Variants in ENTREP2 observed in about 807,000 individuals in gnomAD.
The protein encoded by ENTREP2 is protein ENTREP2.
chr15:29,535,299 G>A, the ENTREP2 span, among the ~76,000 whole-genome samples: 3 of 152,104 alleles, frequency 2.0e-5, no homozygotes, highest in Non-Finnish European at 4.4e-5. Context: ...TTGAACCTGA[G>A]AGTGTCCCTT....
At chr15:29,294,012 C>T in the ENTREP2 span, among the ~76,000 whole-genome samples, 1 of 152,152 alleles carries the variant, frequency 6.6e-6, no homozygotes, top group Non-Finnish European at 1.5e-5. Context: ...TAACCTCCAC[C>T]CCCCATGTCA....
chr15:29,546,615 G>A, the ENTREP2 span, among the ~76,000 whole-genome samples: 32 of 152,176 alleles, frequency 2.1e-4, no homozygotes, highest in African/African-American at 7.7e-4. Context: ...GGCCAGGCAC[G>A]GTGGCTCATG....
At chr15:29,275,263 T>C in the ENTREP2 span, among the ~76,000 whole-genome samples, 5 of 152,206 alleles carry the variant, frequency 3.3e-5, no homozygotes, top group Non-Finnish European at 7.3e-5. Flanking sequence ...GAAATATATA[T>C]ATCAAGGTAC....
the ENTREP2 span, among the ~76,000 whole-genome samples, chr15:29,488,021 C>A: frequency 6.6e-6 from 1 of 152,070 alleles, no homozygotes; most frequent in Non-Finnish European, 1.5e-5. Flanking sequence ...AACTTATGAA[C>A]CATGTAAAGA....
At chr15:29,534,085 C>A in the ENTREP2 span, among the ~76,000 whole-genome samples, 895 of 115,900 alleles carry the variant, frequency 7.7e-3, 7 homozygotes, top group African/African-American at 0.028. Flanking sequence ...CAGTGGGTCA[C>A]ATCTGCAAGT....
At chr15:29,344,485 T>C in the ENTREP2 span, among the ~76,000 whole-genome samples, 1 of 152,082 alleles carries the variant, frequency 6.6e-6, no homozygotes, top group Non-Finnish European at 1.5e-5. Flanking sequence ...GAAGGGGCTT[T>C]ATAGAAGGGT....
the ENTREP2 span, chr15:29,381,897 T>C: frequency 2.8e-6 from 4 of 1,440,406 alleles, no homozygotes; most frequent in South Asian, 2.4e-5. Flanking sequence ...ATCAAAACAC[T>C]GTGAACCGTT....
At chr15:29,617,987 G>A in the ENTREP2 span, among the ~76,000 whole-genome samples, 1 of 152,128 alleles carries the variant, frequency 6.6e-6, no homozygotes, top group East Asian at 1.9e-4. Context: ...GTTAGTTCCT[G>A]ACCAAGGTTG....
the ENTREP2 span, among the ~76,000 whole-genome samples, chr15:29,393,446 T>A: frequency 6.6e-6 from 1 of 152,186 alleles, no homozygotes; most frequent in Non-Finnish European, 1.5e-5. Context: ...TCAGGGCAAG[T>A]CCCTTCTCCA....
the ENTREP2 span, among the ~76,000 whole-genome samples, chr15:29,224,183 GGTGA>G: frequency 1.3e-5 from 2 of 152,026 alleles, no homozygotes; most frequent in African/African-American, 4.8e-5. Flanking sequence ...AGACCTTCGT[GGTGA>G]GTGTTACAGC....
the ENTREP2 span, among the ~76,000 whole-genome samples, chr15:29,516,363 T>C: frequency 1.3e-5 from 2 of 152,112 alleles, no homozygotes; most frequent in African/African-American, 2.4e-5. Flanking sequence ...CCACAGCAAT[T>C]AAAATAAATG....
chr15:29,277,768 C>T, the ENTREP2 span, among the ~76,000 whole-genome samples: 1 of 152,168 alleles, frequency 6.6e-6, no homozygotes, highest in Admixed American at 6.5e-5. Context: ...TAACCCAGAG[C>T]ACTTCCCCAC....
At chr15:29,660,526 A>C in the ENTREP2 span, among the ~76,000 whole-genome samples, 2 of 152,162 alleles carry the variant, frequency 1.3e-5, no homozygotes, top group African/African-American at 4.8e-5. Context: ...AGCAGCACAA[A>C]ATTGACTAAG....
chr15:29,278,061 G>A, the ENTREP2 span, among the ~76,000 whole-genome samples: 2 of 152,180 alleles, frequency 1.3e-5, no homozygotes, highest in Non-Finnish European at 2.9e-5. Context: ...AGAGAAACAG[G>A]TGACTGTAGG....
chr15:29,415,818 C>T, the ENTREP2 span, among the ~76,000 whole-genome samples: 1 of 152,154 alleles, frequency 6.6e-6, no homozygotes, highest in Non-Finnish European at 1.5e-5. Context: ...GATACAAAAT[C>T]AATGTGCAAA....
the ENTREP2 span, among the ~76,000 whole-genome samples, chr15:29,363,091 C>A: frequency 1.2e-4 from 18 of 152,198 alleles, no homozygotes; most frequent in African/African-American, 3.6e-4. Context: ...TGTTTTCACC[C>A]TACTTCCTTC....
the ENTREP2 span, among the ~76,000 whole-genome samples, chr15:29,207,303 T>C: frequency 8.6e-3 from 1,302 of 152,218 alleles, 18 homozygotes; most frequent in African/African-American, 0.03. Flanking sequence ...CTCACCGACT[T>C]CAAGAATGAG....
At chr15:29,208,604 T>C in the ENTREP2 span, among the ~76,000 whole-genome samples, 2 of 152,134 alleles carry the variant, frequency 1.3e-5, no homozygotes, top group Admixed American at 6.5e-5. Context: ...GGAGTGAAAA[T>C]TAATACGAAC....
the ENTREP2 span, among the ~76,000 whole-genome samples, chr15:29,349,024 G>C: frequency 6.6e-6 from 1 of 152,196 alleles, no homozygotes; most frequent in Non-Finnish European, 1.5e-5. Flanking sequence ...AAAAAGTCCA[G>C]TTGGCAGAGC....
Sources: gnomAD v4.1 joint callset for allele counts (sites outside exome capture counted in the v4.1 genomes callset) on GRCh38, gnomAD v4.1.1 for gene constraint, MANE v1.5 for transcripts, NCBI Gene and HGNC (gene_info 2026-07-23, HGNC 2026-07-21) for gene names.